Variants in EPHA6 observed in about 807,000 individuals in gnomAD.
EPHA6 encodes the protein ephrin type-A receptor 6.
In EPHA6, 50 loss-of-function variants were observed where a neutral mutation model predicts 112.0. The ratio of observed to expected loss-of-function variants is 0.45; its 90% confidence interval spans 0.36 to 0.56. EPHA6 has a LOEUF of 0.56. EPHA6 is among the 20% of genes least tolerant of loss of function. EPHA6 has a pLI of 0.00. For missense variants in EPHA6, 1,280 were observed against 1,417.4 expected (o/e 0.90, Z 1.56); for synonymous variants, 529 against 490.7 (o/e 1.08, Z -1.03).
At chr3:97,628,878 C>T (rs2093880187) in intron 13 of EPHA6, among the ~76,000 whole-genome samples, 2 of 151,950 alleles carry the variant, frequency 1.3e-5, no homozygotes, top group Non-Finnish European at 2.9e-5. Flanking sequence ...AAATAACACT[C>T]ATTTTATATT....
chr3:96,822,879 A>G (rs2033375009), intron 1 of EPHA6, among the ~76,000 whole-genome samples: 1 of 151,464 alleles, frequency 6.6e-6, no homozygotes, highest in Non-Finnish European at 1.5e-5. Flanking sequence ...GAAAAGCACT[A>G]ACTTTTAATG....
chr3:97,465,797 A>T (rs1207571295), intron 7 of EPHA6, among the ~76,000 whole-genome samples: 1 of 152,040 alleles, frequency 6.6e-6, no homozygotes. Context: ...GTAGCCTCAA[A>T]TTCATGTTAC....
intron 5 of EPHA6, among the ~76,000 whole-genome samples, chr3:97,260,747 C>T (rs2108618251): frequency 6.6e-6 from 1 of 152,294 alleles, no homozygotes; most frequent in Non-Finnish European, 1.5e-5. Flanking sequence ...GGTCAAGCCC[C>T]TAGGATTTAA....
intron 5 of EPHA6, among the ~76,000 whole-genome samples, chr3:97,353,445 A>G (rs2083910064): frequency 6.6e-6 from 1 of 151,654 alleles, no homozygotes; most frequent in Admixed American, 6.6e-5. Flanking sequence ...TTGACTGAAG[A>G]GCCCTAGGGC....
Position 96,814,728 on chromosome 3 carries a change from C to T in EPHA6, c.105C>T (p.Cys35=). ...APATGQPGPS[C]PVPGTSRRGR... is the part of the protein sequence containing the mutation. Reference sequence around the variant, plus strand: ...CAACTGGGCAGCCTGGACCCTCGTGCCCTGTTCCCGGGACCTCGCGCAGGG... The same window carrying T: ...CAACTGGGCAGCCTGGACCCTCGTGTCCTGTTCCCGGGACCTCGCGCAGGG... The change falls in exon 1 of 18, where the codon TGC becomes TGT. Residue 35 remains cysteine, a synonymous_variant. Transcript: ENST00000389672. 2.5e-6 allele frequency: 4 copies of T among 1,576,784 alleles called. No homozygotes were observed. Among genetic ancestry groups the T allele is most frequent in the Non-Finnish European group, 3.4e-6 (4 of 1,161,008 alleles).
chr3:97,544,783 T>C (rs1482284073), intron 11 of EPHA6, among the ~76,000 whole-genome samples: 2 of 152,232 alleles, frequency 1.3e-5, no homozygotes, highest in Non-Finnish European at 2.9e-5. Flanking sequence ...GTTATTGGTC[T>C]ATTCAGAGAT....
At chr3:96,881,364 C>CT (rs939515146) in intron 2 of EPHA6, among the ~76,000 whole-genome samples, 8 of 152,130 alleles carry the variant, frequency 5.3e-5, no homozygotes, top group Non-Finnish European at 1.5e-5. Flanking sequence ...ATGAAAGGCT[C>CT]TTCTTACATG....
At chr3:97,356,598 G>C (rs1474014804) in intron 5 of EPHA6, among the ~76,000 whole-genome samples, 2 of 152,090 alleles carry the variant, frequency 1.3e-5, no homozygotes, top group East Asian at 3.9e-4. Context: ...CTATAAATTT[G>C]TGAATTTTCC....
At chr3:96,938,922 G>A (rs2040767330) in intron 2 of EPHA6, among the ~76,000 whole-genome samples, 1 of 152,110 alleles carries the variant, frequency 6.6e-6, no homozygotes, top group African/African-American at 2.4e-5. Context: ...TGATTTGTAT[G>A]TGTTGAACCA....
intron 1 of EPHA6, among the ~76,000 whole-genome samples, chr3:96,862,230 T>C (rs1477591215): frequency 5.3e-5 from 8 of 151,970 alleles, no homozygotes; most frequent in Non-Finnish European, 8.8e-5. Context: ...TCTTTGTTTA[T>C]TGGTGTTTTT....
chr3:97,434,165 G>A (rs1005254515), intron 6 of EPHA6, among the ~76,000 whole-genome samples: 6 of 151,976 alleles, frequency 3.9e-5, no homozygotes, highest in Non-Finnish European at 8.8e-5. Context: ...TAGCTGTATT[G>A]CAATACCTCA....
At position 97,184,744 on chromosome 3, in the gene EPHA6, T is replaced by C. The variant is rs1222034172; in HGVS notation, c.1115-41520T>C. Among the ~76,000 whole-genome samples, 6 of 151,724 alleles carry C rather than the reference T, an allele frequency of 4.0e-5. No individual in the cohort carries two copies. The East Asian group carries it at 5.9e-4, about 15-fold the overall frequency. ...AAGTTCATATGGAACCAAAAAAGAG[T>C]CCACATTGCCAAGTCAATCCTAAGC... On this transcript the variant is annotated intron_variant, in intron 3 of 17. Transcript: ENST00000389672.
intron 13 of EPHA6, among the ~76,000 whole-genome samples, chr3:97,635,108 A>C (rs997542009): frequency 6.6e-5 from 10 of 151,936 alleles, no homozygotes; most frequent in African/African-American, 2.4e-4. Flanking sequence ...AAAGGCAAAA[A>C]CATGTACTTA....
At chr3:97,526,773 C>T (rs991170893) in intron 10 of EPHA6, among the ~76,000 whole-genome samples, 8 of 152,110 alleles carry the variant, frequency 5.3e-5, no homozygotes, top group African/African-American at 1.9e-4. Flanking sequence ...GGGATTATTC[C>T]CAGGCTGCAT....
rs182846066 is a variant in EPHA6, at chr3:97,209,111, T to G, written c.1115-17153T>G. Reference sequence around the variant, plus strand: ...TGCACCTCTGCTTTGTCTGCAGTATTGTTCCAGTGAATTAGCACACACAGA... The same window carrying G: ...TGCACCTCTGCTTTGTCTGCAGTATGGTTCCAGTGAATTAGCACACACAGA... On this transcript the variant is annotated intron_variant, in intron 3 of 17. Coordinates refer to ENST00000389672, the MANE Select transcript of EPHA6 (RefSeq NM_001080448.3). Among the ~76,000 whole-genome samples, 76 of 152,308 alleles carry G rather than the reference T, an allele frequency of 5.0e-4. 1 individual carries two copies. In the East Asian group the frequency reaches 9.6e-3, roughly 19 times the overall value.
intron 3 of EPHA6, among the ~76,000 whole-genome samples, chr3:97,129,523 A>AC: frequency 6.6e-6 from 1 of 151,980 alleles, no homozygotes; most frequent in Non-Finnish European, 1.5e-5. Flanking sequence ...ACAAACAAAA[A>AC]AAAAAACAAC....
chr3:97,640,493 C>T (rs146544255), intron 14 of EPHA6, among the ~76,000 whole-genome samples: 2 of 152,128 alleles, frequency 1.3e-5, no homozygotes, highest in African/African-American at 2.4e-5. Flanking sequence ...GGGCCGGGCA[C>T]GGTGGCTCGC....
At chr3:97,648,010 C>A (rs1205828574) in intron 14 of EPHA6, among the ~76,000 whole-genome samples, 1 of 152,044 alleles carries the variant, frequency 6.6e-6, no homozygotes, top group Non-Finnish European at 1.5e-5. Context: ...TAAAAAAATT[C>A]TCATGAGTAA....
At chr3:97,503,315 T>G (rs2107563310) in intron 10 of EPHA6, among the ~76,000 whole-genome samples, 1 of 152,336 alleles carries the variant, frequency 6.6e-6, no homozygotes, top group South Asian at 2.1e-4. Flanking sequence ...AAAAAACAGA[T>G]AAATCCAATT....
Sources: gnomAD v4.1 joint callset for allele counts (sites outside exome capture counted in the v4.1 genomes callset) on GRCh38, gnomAD v4.1.1 for gene constraint, MANE v1.5 for transcripts, NCBI Gene and HGNC (gene_info 2026-07-23, HGNC 2026-07-21) for gene names.